ZNF705G: variants seen among roughly 807,000 people sequenced by gnomAD.
The protein encoded by ZNF705G is zinc finger protein 705G.
Under a neutral mutation model 19.6 loss-of-function variants are expected in ZNF705G, and 23 were observed. The observed-to-expected ratio is 1.17, with a 90% CI of 0.84 to 1.66. ZNF705G has a LOEUF of 1.66. Ranked by LOEUF, ZNF705G falls within the 40% of genes most tolerant of loss-of-function variation. ZNF705G has a pLI of 0.00. For missense variants in ZNF705G, 457 were observed against 354.4 expected, an observed-to-expected ratio of 1.29 and a Z score of -2.32; for synonymous variants, 146 against 117.7, an observed-to-expected ratio of 1.24 and a Z score of -1.56.
At chr8:7,364,809 C>T (rs1232910495) in intron 2 of ZNF705G, among the ~76,000 whole-genome samples, 1 of 149,444 alleles carries the variant, frequency 6.7e-6, no homozygotes, top group Admixed American at 6.6e-5. Context: ...ATCTGCCTGT[C>T]CCTTCCATGA....
At chr8:7,382,941 G>A (rs1364662251) in intron 1 of ZNF705G, among the ~76,000 whole-genome samples, 6 of 147,422 alleles carry the variant, frequency 4.1e-5, no homozygotes, top group South Asian at 2.1e-4. Context: ...CTAGCCCTGC[G>A]GCCTTCTGAG....
chr8:7,384,453 A>G lies in ZNF705G; in HGVS notation c.-222+1045T>C, dbSNP rs554117688. Among the ~76,000 whole-genome samples, 225 of 145,754 alleles carry G rather than the reference A, an allele frequency of 1.5e-3. 1 individual carries two copies. The highest frequency in any genetic ancestry group is 2.2e-3 in the Non-Finnish European group (150 of 67,896). ...AAAAAAAGACATTTATGCAGCCAAC[A>G]AACATGAAAAAAAGCTCATCATCAC... On this transcript the variant is annotated intron_variant, in intron 1 of 6. Transcript: ENST00000400156.
chr8:7,385,354 A>G (rs970560419), intron 1 of ZNF705G, 144 bp downstream of exon 1: 4 of 149,028 alleles, frequency 2.7e-5, no homozygotes, highest in African/African-American at 1.0e-4. Context: ...GATAATAATA[A>G]TAATAATAAT....
At chr8:7,375,280 T>C (rs1807212622) in intron 2 of ZNF705G, among the ~76,000 whole-genome samples, 1 of 92,854 alleles carries the variant, frequency 1.1e-5, no homozygotes, top group South Asian at 3.7e-4. Context: ...ATATGTGGTA[T>C]TTGTCTTCCT....
chr8:7,372,260 T>A (rs1270396493), intron 2 of ZNF705G, among the ~76,000 whole-genome samples: 1 of 151,992 alleles, frequency 6.6e-6, no homozygotes, highest in Non-Finnish European at 1.5e-5. Context: ...AAAAATATCA[T>A]GAGATGGAAC....
chr8:7,365,481 C>A (rs1489465249), intron 2 of ZNF705G, among the ~76,000 whole-genome samples: 5 of 147,498 alleles, frequency 3.4e-5, no homozygotes, highest in African/African-American at 8.0e-5. Context: ...CGGGTTCAAG[C>A]AATTCTCCAG....
Position 7,360,101 on chromosome 8 carries a change from G to A in ZNF705G, c.235+136C>T, listed in dbSNP as rs1291150720. The A allele has an allele frequency of 5.5e-6, 6 of 1,089,512 alleles. 1 individual carries two copies. The highest frequency in any genetic ancestry group is 3.7e-5 in the African/African-American group (2 of 53,702). 67.5% of individuals were successfully genotyped at this position (1,089,512 alleles called of 1,614,324 possible). On this transcript the variant is annotated intron_variant, in intron 5 of 6. Transcript: ENST00000400156. ...TGAACAAAATGATAATAACATCTAA[G>A]GAATTCTGCTCCAGTAGCCTAACCT...
rs1368726263 is a variant in ZNF705G at position 7,361,832 on chromosome 8, C to T, written c.13-596G>A. On this transcript the variant is annotated intron_variant, in intron 3 of 6. Coordinates refer to ENST00000400156, the MANE Select transcript of ZNF705G (RefSeq NM_001164457.3). ...AAGTTAGAAAGTAATGACCCAGACT[C>T]CAGCATTCTTCAGAACTGAACAAGC... 2.0e-5 allele frequency among the ~76,000 whole-genome samples: 3 copies of T among 149,686 alleles called. No homozygotes were observed. In the South Asian group the frequency reaches 6.3e-4, roughly 31 times the overall value.
chr8:7,357,970 C>T lies in ZNF705G; in HGVS notation c.*6G>A, dbSNP rs1437548309. The T allele has an allele frequency of 1.2e-6, 2 of 1,609,286 alleles. No homozygotes were observed. Among genetic ancestry groups the T allele is most frequent in the Non-Finnish European group, 1.7e-6 (2 of 1,179,756 alleles). On this transcript the variant is annotated 3_prime_UTR_variant, in exon 7 of 7. Transcript: ENST00000400156. ...ATGGCTTTTCTCCAGTGCGTGTTCT[C>T]TCATGTCATCTAAGGTTGGAAGACA...
intron 2 of ZNF705G, among the ~76,000 whole-genome samples, chr8:7,364,758 T>C (rs1322841498): frequency 6.7e-6 from 1 of 149,488 alleles, no homozygotes; most frequent in Non-Finnish European, 1.5e-5. Context: ...TTGGACTATT[T>C]TCTACATCTG....
At chr8:7,375,996 G>A (rs1807229525) in intron 2 of ZNF705G, among the ~76,000 whole-genome samples, 1 of 87,308 alleles carries the variant, frequency 1.1e-5, no homozygotes, top group Non-Finnish European at 2.2e-5. Flanking sequence ...GACTCTTCCA[G>A]CTGCAAAGGG....
At position 7,362,941 on chromosome 8, in the gene ZNF705G, A is replaced by G. The variant is rs1806674985; in HGVS notation, c.6T>C (p.His2=). M[H]SLKKLTFEDV... The stretch of plus-strand genomic sequence containing the variant: ...AGAGGCATCCCCTACTCACTAGTGA[A>G]TGCATTGTCAGGAACTCAGTTTCTC... The change falls in exon 3 of 7, where the codon CAT becomes CAC. Residue 2 remains histidine, a synonymous_variant. Transcript: ENST00000400156. 1 of 1,590,796 alleles carries G rather than the reference A, an allele frequency of 6.3e-7. No individual in the cohort carries two copies. The highest frequency in any genetic ancestry group is 1.4e-5 in the African/African-American group (1 of 70,558).
chr8:7,361,896 T>C (rs550941162), intron 3 of ZNF705G, among the ~76,000 whole-genome samples: 1 of 149,684 alleles, frequency 6.7e-6, no homozygotes, highest in East Asian at 1.9e-4. Context: ...ATATATAGTC[T>C]CTCTAATGTT....
At chr8:7,379,194 A>G (rs1416118628) in intron 2 of ZNF705G, among the ~76,000 whole-genome samples, 1 of 148,262 alleles carries the variant, frequency 6.7e-6, no homozygotes, top group East Asian at 1.9e-4. Flanking sequence ...GTTATGTCAC[A>G]TGGACTACTC....
rs1358722190 is a variant in ZNF705G at position 7,375,456 on chromosome 8, C to G, written c.-72+5996G>C. Reference sequence around the variant, plus strand: ...ATGAACACCTAGTTTGATTCCATACCTTTGCTACTGTGAATACCACTGTGA... The same window carrying G: ...ATGAACACCTAGTTTGATTCCATACGTTTGCTACTGTGAATACCACTGTGA... On this transcript the variant is annotated intron_variant, in intron 2 of 6. Transcript: ENST00000400156. Among the ~76,000 whole-genome samples, 68 of 89,812 alleles carry G rather than the reference C, an allele frequency of 7.6e-4. 25 individuals carry two copies. Among genetic ancestry groups the G allele is most frequent in the African/African-American group, 3.4e-3 (65 of 19,040 alleles). 58.9% of individuals were successfully genotyped at this position (89,812 alleles called of 152,430 possible).
At chr8:7,364,148 T>C (rs1239523396) in intron 2 of ZNF705G, among the ~76,000 whole-genome samples, 1 of 149,614 alleles carries the variant, frequency 6.7e-6, no homozygotes, top group East Asian at 1.9e-4. Flanking sequence ...ACATATTTGC[T>C]GAGAAATACC....
intron 6 of ZNF705G, among the ~76,000 whole-genome samples, chr8:7,358,804 C>T (rs1284939731): frequency 4.7e-5 from 7 of 149,304 alleles, no homozygotes; most frequent in Non-Finnish European, 8.8e-5. Context: ...AATAATATGG[C>T]TACAAGATGA....
intron 2 of ZNF705G, among the ~76,000 whole-genome samples, chr8:7,368,916 A>G (rs1806976895): frequency 6.7e-6 from 1 of 149,696 alleles, no homozygotes; most frequent in Non-Finnish European, 1.5e-5. Flanking sequence ...TGCACAAGGT[A>G]CAGGAGTACA....
At chr8:7,365,672 G>A (rs1276401726) in intron 2 of ZNF705G, among the ~76,000 whole-genome samples, 1 of 149,380 alleles carries the variant, frequency 6.7e-6, no homozygotes, top group East Asian at 1.9e-4. Flanking sequence ...GCCCGGCCCA[G>A]ATCTCTTAAA....
Sources: gnomAD v4.1 joint callset for allele counts (sites outside exome capture counted in the v4.1 genomes callset) on GRCh38, gnomAD v4.1.1 for gene constraint, MANE v1.5 for transcripts, NCBI Gene and HGNC (gene_info 2026-07-23, HGNC 2026-07-21) for gene names.